The following TYR variants were observed in gnomAD, a reference collection of about 807,000 sequenced individuals.
TYR encodes tyrosinase, also known as LB24-AB.
In TYR, 58 loss-of-function variants were observed where a neutral mutation model predicts 51.5. The observed-to-expected ratio is 1.13, with a 90% CI of 0.91 to 1.40. The LOEUF is 1.40. Among genes scored for constraint, TYR ranks in the 40% most tolerant of loss-of-function variants. TYR has a pLI of 0.00. For synonymous variants in TYR, 263 were observed against 235.2 expected (o/e 1.12, Z -1.08); for missense variants, 732 against 647.4 (o/e 1.13, Z -1.42).
chr11:89,276,021 G>A (rs1944649986), intron 3 of TYR, among the ~76,000 whole-genome samples: 1 of 151,808 alleles, frequency 6.6e-6, no homozygotes, highest in South Asian at 2.1e-4. Flanking sequence ...TGTCATCTGG[G>A]TTAGATTATA....
intron 1 of TYR, 115 bp downstream of exon 1, chr11:89,178,887 A>C: frequency 2.0e-6 from 2 of 1,023,744 alleles, no homozygotes; most frequent in African/African-American, 1.6e-5. Flanking sequence ...TCAAGGACAG[A>C]AATGGTGCCC....
intron 2 of TYR, among the ~76,000 whole-genome samples, chr11:89,204,384 CAGG>C (rs1344116942): frequency 6.7e-6 from 1 of 148,956 alleles, no homozygotes; most frequent in African/African-American, 2.6e-5. Flanking sequence ...CAGAGAAAGC[CAGG>C]AGATTATACA....
chr11:89,231,378 G>A lies in TYR; in HGVS notation c.1184+3408G>A, dbSNP rs1184673451. ...TTGCAACATTATTCATATAAGGCAA[G>A]ATACAAAACCAACCCAAATATTGAT... is the stretch of plus-strand genomic sequence containing the variant. On this transcript the variant is annotated intron_variant, in intron 3 of 4. Coordinates refer to ENST00000263321, the MANE Select transcript of TYR (RefSeq NM_000372.5). Among the ~76,000 whole-genome samples, 3 of 106,322 alleles carry A rather than the reference G, an allele frequency of 2.8e-5. 1 individual carries two copies. The highest frequency in any genetic ancestry group is 6.5e-4 in the South Asian group (2 of 3,082). 69.8% of individuals were successfully genotyped at this position (106,322 alleles called of 152,430 possible). A position where few individuals can be genotyped will look rare whatever the true frequency, so the allele number is the denominator to read the frequency against.
chr11:89,268,465 A>G (rs1366029968), intron 3 of TYR, among the ~76,000 whole-genome samples: 1 of 151,920 alleles, frequency 6.6e-6, no homozygotes, highest in East Asian at 1.9e-4. Flanking sequence ...ATGTTAAATG[A>G]AGAGAAATTT....
chr11:89,295,204 A>C lies in TYR; in HGVS notation c.1428A>C (p.Ser476=), dbSNP rs370116690. 1 of 1,613,980 alleles carries C rather than the reference A, an allele frequency of 6.2e-7. No individual in the cohort carries two copies. The highest frequency in any genetic ancestry group is 8.5e-7 in the Non-Finnish European group (1 of 1,179,844). The change falls in exon 5 of 5, where the codon TCA becomes TCC. Residue 476 remains serine (S), a synonymous_variant. Transcript: ENST00000263321. ...TGGAACAAGCGAGTCGGATCTGGTC[A>C]TGGCTCCTTGGGGCGGCGATGGTAG... The part of the protein sequence containing the change: ...SYLEQASRIW[S]WLLGAAMVGA...
chr11:89,289,115 G>C (rs1332954685), intron 4 of TYR, among the ~76,000 whole-genome samples: 1 of 151,974 alleles, frequency 6.6e-6, no homozygotes, highest in Admixed American at 6.6e-5. Context: ...AAAATCTTTG[G>C]CAAAGAAGGG....
chr11:89,291,356 C>A (rs1405507663), intron 4 of TYR, among the ~76,000 whole-genome samples: 1 of 151,650 alleles, frequency 6.6e-6, no homozygotes, highest in Admixed American at 6.6e-5. Context: ...CTTATCTAGC[C>A]GTATTTTATT....
intron 2 of TYR, among the ~76,000 whole-genome samples, chr11:89,211,989 A>C (rs1270867791): frequency 2.0e-5 from 3 of 152,210 alleles, no homozygotes; most frequent in African/African-American, 7.2e-5. Context: ...CCCACAAGAG[A>C]AAGCAGGAAA....
intron 2 of TYR, among the ~76,000 whole-genome samples, chr11:89,217,589 TC>T (rs1943849035): frequency 6.6e-6 from 1 of 152,196 alleles, no homozygotes; most frequent in Non-Finnish European, 1.5e-5. Flanking sequence ...TCATTGTGCA[TC>T]CAGGAGTTAA....
intron 4 of TYR, among the ~76,000 whole-genome samples, chr11:89,285,318 C>T (rs1365055975): frequency 2.0e-5 from 3 of 151,634 alleles, no homozygotes; most frequent in African/African-American, 4.8e-5. Flanking sequence ...ATACTGGGAC[C>T]AGAACACATT....
intron 3 of TYR, among the ~76,000 whole-genome samples, chr11:89,265,816 C>T (rs965633556): frequency 2.6e-5 from 4 of 152,016 alleles, no homozygotes; most frequent in South Asian, 2.1e-4. Context: ...AACTCCAGAT[C>T]GAATGATGCT....
intron 3 of TYR, among the ~76,000 whole-genome samples, chr11:89,271,726 T>C (rs645592): frequency 0.6 from 91,598 of 151,802 alleles, 29,960 homozygotes; most frequent in African/African-American, 0.88. Flanking sequence ...GCATTTTGCC[T>C]ACAGTAGAAC....
chr11:89,204,834 A>G (rs1943650658), intron 2 of TYR, among the ~76,000 whole-genome samples: 2 of 152,158 alleles, frequency 1.3e-5, no homozygotes, highest in South Asian at 4.1e-4. Flanking sequence ...TAAAAAAAAA[A>G]AAAAGACAGC....
intron 1 of TYR, among the ~76,000 whole-genome samples, chr11:89,189,041 G>T (rs1591141195): frequency 6.6e-6 from 1 of 152,032 alleles, no homozygotes; most frequent in East Asian, 1.9e-4. Context: ...TGAGATACAG[G>T]ACTAGAACTC....
intron 3 of TYR, among the ~76,000 whole-genome samples, chr11:89,277,884 T>C (rs1434684934): frequency 6.6e-6 from 1 of 151,696 alleles, no homozygotes; most frequent in Non-Finnish European, 1.5e-5. Flanking sequence ...CAACGAAATC[T>C]GTGTGGTCTT....
At chr11:89,212,910 C>A (rs144092995) in intron 2 of TYR, among the ~76,000 whole-genome samples, 1 of 152,138 alleles carries the variant, frequency 6.6e-6, no homozygotes, top group African/African-American at 2.4e-5. Flanking sequence ...TAAAAACTCT[C>A]AGTAAACTAG....
At chr11:89,195,907 T>A (rs553825851) in intron 2 of TYR, among the ~76,000 whole-genome samples, 8 of 152,072 alleles carry the variant, frequency 5.3e-5, no homozygotes, top group Admixed American at 5.2e-4. Context: ...TATTTATTTT[T>A]TTAATAGCAC....
intron 3 of TYR, among the ~76,000 whole-genome samples, chr11:89,281,893 T>C (rs576485025): frequency 6.6e-6 from 1 of 151,870 alleles, no homozygotes; most frequent in East Asian, 1.9e-4. Flanking sequence ...AAAAACTATC[T>C]AGATTCAGTT....
intron 3 of TYR, among the ~76,000 whole-genome samples, chr11:89,265,204 T>C (rs920189239): frequency 2.0e-5 from 3 of 151,988 alleles, no homozygotes; most frequent in East Asian, 1.9e-4. Flanking sequence ...AAATCAGGGA[T>C]ATGGGAGATA....
Sources: allele counts gnomAD v4.1 joint callset (sites outside exome capture counted in the v4.1 genomes callset), GRCh38; gene constraint gnomAD v4.1.1; transcripts MANE v1.5; gene names NCBI Gene and HGNC (gene_info 2026-07-23, HGNC 2026-07-21).